The following ROS1 variants were observed in gnomAD, a reference collection of about 807,000 sequenced individuals.
The protein encoded by ROS1 is ROS proto-oncogene 1, receptor tyrosine kinase, also known as proto-oncogene tyrosine-protein kinase ROS.
A neutral mutation model predicts 273.5 loss-of-function variants in ROS1; 263 were observed. The observed-to-expected ratio is 0.96, with a 90% CI of 0.87 to 1.06. The LOEUF (loss-of-function observed/expected upper bound fraction) is 1.06. Among genes scored for constraint, ROS1 ranks in the 50% least tolerant of loss-of-function variants. The pLI, the probability that ROS1 is intolerant of heterozygous loss-of-function variation, is 0.00. For missense variants in ROS1, 2,833 were observed against 2,751.1 expected (o/e 1.03, Z -0.67); for synonymous variants, 1,008 against 954.1 (o/e 1.06, Z -1.04).
intron 39 of ROS1, 28 bp from the exon 40 acceptor site, chr6:117,311,145 G>A (rs2128550161): frequency 1.5e-6 from 2 of 1,378,950 alleles, no homozygotes; most frequent in Non-Finnish European, 2.0e-6. Flanking sequence ...AAAATTACAG[G>A]TAGTTATCTA....
chr6:117,339,031 C>T (rs1056512903), intron 31 of ROS1, among the ~76,000 whole-genome samples: 2 of 152,104 alleles, frequency 1.3e-5, no homozygotes, highest in African/African-American at 2.4e-5. Flanking sequence ...GTTTCCTCCC[C>T]ATTTTAAATA....
rs78871758 is a variant in ROS1, at chr6:117,368,200, T to C, written c.2583-1910A>G. ...TTTGCTTGAAAAATCTGCTTGGTTGTTTCTGAAGTTGTAACAGTTGTTTAG... is the reference window on the plus strand; with the variant it reads ...TTTGCTTGAAAAATCTGCTTGGTTGCTTCTGAAGTTGTAACAGTTGTTTAG... On this transcript the variant is annotated intron_variant, in intron 18 of 43. Transcript: ENST00000368507. Among the ~76,000 whole-genome samples, 39 of 152,344 alleles carry C rather than the reference T, an allele frequency of 2.6e-4. 1 individual carries two copies. The East Asian group carries it at 7.3e-3, about 29-fold the overall frequency.
intron 42 of ROS1, among the ~76,000 whole-genome samples, chr6:117,303,451 G>A (rs1170552488): frequency 1.3e-5 from 2 of 152,206 alleles, no homozygotes; most frequent in Non-Finnish European, 2.9e-5. Flanking sequence ...GGAATAGGGT[G>A]TGGATGGGAG....
At chr6:117,347,314 C>T (rs1182913765) in intron 27 of ROS1, among the ~76,000 whole-genome samples, 2 of 151,892 alleles carry the variant, frequency 1.3e-5, no homozygotes, top group Admixed American at 6.6e-5. Flanking sequence ...ATTTCATTTT[C>T]TGTGGGTGTT....
At chr6:117,386,706 C>T (rs113447529) in intron 15 of ROS1, among the ~76,000 whole-genome samples, 183 bp downstream of exon 15, 1 of 152,180 alleles carries the variant, frequency 6.6e-6, no homozygotes, top group East Asian at 1.9e-4. Context: ...TAATAAATAG[C>T]GTTCCTATCT....
chr6:117,326,091 T>TTATATATATATATATATTTATATATA (rs1554226653), intron 34 of ROS1, 133 bp downstream of exon 34: 1 of 143,076 alleles, frequency 7.0e-6, no homozygotes, highest in African/African-American at 3.3e-5. Context: ...GATAATAAGA[T>TTATATATATATATATATTTATATATA]TATATATATA....
intron 43 of ROS1, among the ~76,000 whole-genome samples, chr6:117,289,801 C>G (rs902933767): frequency 7.2e-5 from 11 of 152,226 alleles, no homozygotes; most frequent in South Asian, 4.2e-4. Flanking sequence ...TGGTTAGTAC[C>G]TGGGTGTTGA....
chr6:117,425,791 T>C lies in ROS1; in HGVS notation c.-135A>G. On this transcript the variant is annotated 5_prime_UTR_variant, in exon 1 of 44. The change creates a new upstream start codon in the 5' untranslated region. Coordinates refer to ENST00000368507, the MANE Select transcript of ROS1 (RefSeq NM_001378902.1). Reference sequence around the variant, plus strand: ...CTTTGTTTGTTTTGCTATATTAGGATATACTTGCCTTTTGAAATAATACTT... The same window carrying C: ...CTTTGTTTGTTTTGCTATATTAGGACATACTTGCCTTTTGAAATAATACTT... The C allele has an allele frequency of 1.1e-6, 1 of 889,620 alleles. No individual in the cohort carries two copies. Among genetic ancestry groups the C allele is most frequent in the Non-Finnish European group, 1.7e-6 (1 of 572,824 alleles). 55.1% of individuals were successfully genotyped at this position (889,620 alleles called of 1,614,324 possible). A position where few individuals can be genotyped will look rare whatever the true frequency, so the allele number is the denominator to read the frequency against.
rs1427739993 is a variant in ROS1, at chr6:117,344,237, T to C, written c.4329A>G (p.Ser1443=). The C allele has an allele frequency of 6.2e-7, 1 of 1,613,846 alleles. No individual in the cohort carries two copies. Among genetic ancestry groups the C allele is most frequent in the Non-Finnish European group, 8.5e-7 (1 of 1,179,826 alleles). ...TAAGTATAGTTGGTTCCACAGTGTC[T>C]GAAGCTAGAGACAGAAACGCTTTAT... The part of the protein sequence containing the change: ...FPDKAFLSLA[S]DTVEPTILNA... Residue 1443 remains serine (S), a synonymous_variant, in exon 28 of 44, where the codon TCA becomes TCG. Transcript: ENST00000368507.
intron 31 of ROS1, among the ~76,000 whole-genome samples, chr6:117,337,817 T>G (rs1016085934): frequency 6.6e-5 from 10 of 152,240 alleles, no homozygotes; most frequent in African/African-American, 2.2e-4. Flanking sequence ...ACTTACAAAC[T>G]AAGACTTTTT....
In ROS1 at chr6:117,308,861, G is replaced by T. The variant is rs746642345; in HGVS notation, c.6484C>A (p.Leu2162Ile). ...GHQPYPAHSNLDVLNYVQTGG... is the reference protein window; with the variant it reads ...GHQPYPAHSNIDVLNYVQTGG... ...GTTTGCACATAGTTTAACACATCAA[G>T]GTTGGAATGAGCTGGATAAGGCTGA... is the stretch of plus-strand genomic sequence containing the variant. The change falls in exon 42 of 44, where the codon CTT becomes ATT. Residue 2162 changes from leucine to isoleucine, a missense_variant. Physicochemically the swap from Leu to Ile is conservative, Grantham distance 5 (BLOSUM62 2). Coordinates refer to ENST00000368507, the MANE Select transcript of ROS1 (RefSeq NM_001378902.1). 2 of 1,613,208 alleles carry T rather than the reference G, an allele frequency of 1.2e-6. No individual in the cohort carries two copies. The highest frequency in any genetic ancestry group is 1.7e-6 in the Non-Finnish European group (2 of 1,179,510).
chr6:117,337,492 C>T lies in ROS1; in HGVS notation c.5062-152G>A, dbSNP rs958185157. On this transcript the variant is annotated intron_variant, in intron 31 of 43. Transcript: ENST00000368507. ...TCTTTATGAATGATCCCAAACATTA[C>T]CCCACTGCCTATAGTCGTTTTGCTT... 4 of 609,516 alleles carry T rather than the reference C, an allele frequency of 6.6e-6. No individual in the cohort carries two copies. The Admixed American group carries it at 9.7e-5, about 15-fold the overall frequency. The allele number at this position is 609,516 out of a possible 1,614,324, so 37.8% of individuals were successfully genotyped here.
At chr6:117,291,871 A>G (rs1406541423) in intron 43 of ROS1, among the ~76,000 whole-genome samples, 1 of 152,190 alleles carries the variant, frequency 6.6e-6, no homozygotes, top group Non-Finnish European at 1.5e-5. Flanking sequence ...AGATTTTCTC[A>G]AGGGTCCGTG....
chr6:117,345,159 G>A (rs1384091603), intron 27 of ROS1, among the ~76,000 whole-genome samples: 1 of 152,172 alleles, frequency 6.6e-6, no homozygotes, highest in East Asian at 1.9e-4. Flanking sequence ...TCTCTGCTAT[G>A]CAAAGCCATC....
At chr6:117,370,734 T>C (rs1470486321) in intron 18 of ROS1, among the ~76,000 whole-genome samples, 1 of 151,552 alleles carries the variant, frequency 6.6e-6, no homozygotes, top group Non-Finnish European at 1.5e-5. Flanking sequence ...AAAATGCATA[T>C]TTTAATTTCT....
chr6:117,393,323 T>C lies in ROS1; in HGVS notation c.1192-2A>G. The C allele has an allele frequency of 6.5e-7, 1 of 1,540,380 alleles. No homozygotes were observed. Among genetic ancestry groups the C allele is most frequent in the Non-Finnish European group, 9.0e-7 (1 of 1,115,590 alleles). Reference sequence around the variant, plus strand: ...GTTCTCTAAATCACAGACACATACCTAAAAAAATAAAAAATATACCGGTAG... The same window carrying C: ...GTTCTCTAAATCACAGACACATACCCAAAAAAATAAAAAATATACCGGTAG... On this transcript the variant is annotated splice_acceptor_variant, in intron 11 of 43. Transcript: ENST00000368507. LOFTEE classifies it high-confidence loss of function.
intron 18 of ROS1, among the ~76,000 whole-genome samples, chr6:117,368,201 T>C (rs1361092143): frequency 6.6e-6 from 1 of 152,200 alleles, no homozygotes; most frequent in Non-Finnish European, 1.5e-5. Flanking sequence ...GCTTGGTTGT[T>C]TCTGAAGTTG....
In ROS1 at chr6:117,324,331, C is replaced by A. The variant is rs780534001; in HGVS notation, c.5623+1G>T. The A allele has an allele frequency of 1.4e-6, 2 of 1,442,760 alleles. No homozygotes were observed. Among genetic ancestry groups the A allele is most frequent in the South Asian group, 2.4e-5 (2 of 83,452 alleles). 89.4% of individuals were successfully genotyped at this position (1,442,760 alleles called of 1,614,324 possible). A position where few individuals can be genotyped will look rare whatever the true frequency, so the allele number is the denominator to read the frequency against. ...TATTTTAAAAATTCTATTATACTTA[C>A]CAAAGGTCAGTGGGATTGTAACAAC... On this transcript the variant is annotated splice_donor_variant, in intron 35 of 43. Transcript: ENST00000368507. LOFTEE classifies it high-confidence loss of function.
intron 14 of ROS1, among the ~76,000 whole-genome samples, chr6:117,387,427 G>A (rs777645850): frequency 7.2e-5 from 11 of 152,118 alleles, no homozygotes; most frequent in Non-Finnish European, 5.9e-5. Flanking sequence ...ATAATTCACA[G>A]CCTCTCAACT....
Sources: gnomAD v4.1 joint callset for allele counts (sites outside exome capture counted in the v4.1 genomes callset) on GRCh38, gnomAD v4.1.1 for gene constraint, MANE v1.5 for transcripts, NCBI Gene and HGNC (gene_info 2026-07-23, HGNC 2026-07-21) for gene names.